GPRC6A: variants seen among roughly 807,000 people sequenced by gnomAD.
GPRC6A encodes the protein G protein-coupled receptor class C group 6 member A, also known as G protein-coupled receptor family C group 6 member A.
A neutral mutation model predicts 47.0 loss-of-function variants in GPRC6A; 54 were observed. The observed-to-expected ratio is 1.15, with a 90% confidence interval of 0.92 to 1.44. The LOEUF (loss-of-function observed/expected upper bound fraction) is 1.44. GPRC6A is among the 40% of genes most tolerant of loss of function. GPRC6A has a pLI of 0.00. For synonymous variants in GPRC6A, 347 were observed against 377.1 expected, an observed-to-expected ratio of 0.92 and a Z score of 0.93; for missense variants, 1,112 against 1,105.5, an observed-to-expected ratio of 1.01 and a Z score of -0.08.
Position 116,795,809 on chromosome 6 carries a change from T to G in GPRC6A, c.1575A>C (p.Glu525Asp), listed in dbSNP as rs1353565999. Residue 525 changes from glutamate (E) to aspartate (D), a missense_variant, in exon 5 of 6, where the codon GAA (glutamate) becomes GAC (aspartate). Glu to Asp is a conservative substitution (Grantham distance 45). Transcript: ENST00000310357. ...LKQIQSKCSK[E>D]CSPGQMKKTT... ...TTTTCTTCATTTGCCCAGGACTGCATTCCTTGGAGCATTTAGATTGAATTT... is the reference window on the plus strand; with the variant it reads ...TTTTCTTCATTTGCCCAGGACTGCAGTCCTTGGAGCATTTAGATTGAATTT... 1 of 1,604,670 alleles carries G rather than the reference T, an allele frequency of 6.2e-7. No homozygotes were observed. The highest frequency in any genetic ancestry group is 2.2e-5 in the East Asian group (1 of 44,720).
intron 1 of GPRC6A, among the ~76,000 whole-genome samples, chr6:116,824,041 C>A (rs1386071764): frequency 6.6e-6 from 1 of 151,876 alleles, no homozygotes; most frequent in East Asian, 1.9e-4. Flanking sequence ...GAGATTTGGG[C>A]AAAGACACAG....
intron 1 of GPRC6A, among the ~76,000 whole-genome samples, chr6:116,820,461 A>G (rs1773426281): frequency 6.6e-6 from 1 of 151,992 alleles, no homozygotes. Context: ...AATCCTCAAT[A>G]AAATACTGGC....
At chr6:116,818,384 A>G (rs1486588996) in intron 1 of GPRC6A, among the ~76,000 whole-genome samples, 3 of 148,246 alleles carry the variant, frequency 2.0e-5, no homozygotes, top group Non-Finnish European at 3.0e-5. Flanking sequence ...AATACAAAAA[A>G]TTAGCCGGGC....
At chr6:116,801,011 T>C (rs1582457917) in intron 3 of GPRC6A, among the ~76,000 whole-genome samples, 1 of 152,202 alleles carries the variant, frequency 6.6e-6, no homozygotes. Context: ...TTTTGCTATA[T>C]AAATTTGGGA....
At chr6:116,807,998 C>CTTT (rs565661865) in intron 2 of GPRC6A, among the ~76,000 whole-genome samples, 1 of 143,914 alleles carries the variant, frequency 6.9e-6, no homozygotes, top group East Asian at 2.0e-4. Context: ...TTCGTTCCTT[C>CTTT]TTTTTTTTTT....
chr6:116,800,333 T>G (rs1772629287), intron 4 of GPRC6A, among the ~76,000 whole-genome samples: 1 of 132,900 alleles, frequency 7.5e-6, no homozygotes, highest in Non-Finnish European at 1.6e-5. Flanking sequence ...TTTTCCTTCC[T>G]TCCTTCCTTC....
chr6:116,793,467 T>C (rs767648604), intron 5 of GPRC6A, among the ~76,000 whole-genome samples: 23 of 151,536 alleles, frequency 1.5e-4, no homozygotes, highest in Non-Finnish European at 3.2e-4. Context: ...AAAGAGAAAA[T>C]AGAGAAAGAA....
chr6:116,822,891 T>TAA (rs757893318), intron 1 of GPRC6A, among the ~76,000 whole-genome samples: 116 of 117,494 alleles, frequency 9.9e-4, no homozygotes, highest in Non-Finnish European at 1.2e-3. Flanking sequence ...TACTAGTCTC[T>TAA]AAAAAAAAAA....
chr6:116,809,218 A>C (rs763012954), intron 2 of GPRC6A, 96 bp downstream of exon 2: 175 of 914,630 alleles, frequency 1.9e-4, no homozygotes, highest in Non-Finnish European at 2.6e-4. Context: ...AGTTAAAGTA[A>C]AAGTGACTCC....
In GPRC6A at chr6:116,807,308, T is replaced by C. The variant is rs918264790; in HGVS notation, c.499-102A>G. The C allele has an allele frequency of 5.7e-6, 4 of 701,220 alleles. No homozygotes were observed. The Admixed American group carries it at 9.5e-5, about 17-fold the overall frequency. 43.4% of individuals were successfully genotyped at this position (701,220 alleles called of 1,614,324 possible). A position where few individuals can be genotyped will look rare whatever the true frequency, so the allele number is the denominator to read the frequency against. On this transcript the variant is annotated intron_variant, in intron 2 of 5. Transcript: ENST00000310357. ...TGATTGCTGTAAATTTTCATGACTT[T>C]CCTTAAATTCTCTAGTCTTTTTCAT...
At chr6:116,809,171 A>G in intron 2 of GPRC6A, 143 bp downstream of exon 2, 1 of 633,602 alleles carries the variant, frequency 1.6e-6, no homozygotes, top group South Asian at 2.0e-5. Flanking sequence ...ACTCTCTGTA[A>G]TGGTGTGCAT....
chr6:116,826,642 G>A (rs1008112570), intron 1 of GPRC6A, among the ~76,000 whole-genome samples: 2 of 151,884 alleles, frequency 1.3e-5, no homozygotes, highest in Non-Finnish European at 2.9e-5. Context: ...GAAAGAGTAT[G>A]GATATTTCTC....
chr6:116,821,153 G>T (rs1017236061), intron 1 of GPRC6A, among the ~76,000 whole-genome samples: 163 of 151,776 alleles, frequency 1.1e-3, no homozygotes, highest in African/African-American at 3.9e-3. Context: ...AACTTCCAAG[G>T]GATGTGAAGG....
chr6:116,809,647 AG>A (rs757727754), intron 1 of GPRC6A, 30 bp from the exon 2 acceptor site: 76 of 1,510,196 alleles, frequency 5.0e-5, no homozygotes, highest in Non-Finnish European at 6.5e-5. Context: ...TTTTGAAATC[AG>A]AACATAACTC....
At chr6:116,801,441 G>C (rs562143964) in intron 3 of GPRC6A, among the ~76,000 whole-genome samples, 2 of 152,196 alleles carry the variant, frequency 1.3e-5, no homozygotes, top group East Asian at 3.9e-4. Flanking sequence ...AGGGAAACAG[G>C]CTGCTGTTCT....
At chr6:116,826,729 C>T (rs973762673) in intron 1 of GPRC6A, among the ~76,000 whole-genome samples, 9 of 151,710 alleles carry the variant, frequency 5.9e-5, no homozygotes, top group African/African-American at 1.9e-4. Context: ...AATCAGTATA[C>T]TAAAGGGATA....
intron 1 of GPRC6A, among the ~76,000 whole-genome samples, chr6:116,816,924 T>A (rs1773235110): frequency 6.6e-6 from 1 of 152,124 alleles, no homozygotes; most frequent in Non-Finnish European, 1.5e-5. Context: ...CACAGCAGTC[T>A]GAGATCAAAC....
intron 1 of GPRC6A, among the ~76,000 whole-genome samples, chr6:116,811,904 C>T (rs937303735): frequency 1.3e-5 from 2 of 151,678 alleles, no homozygotes; most frequent in African/African-American, 4.8e-5. Context: ...ACCAAATATA[C>T]AAATTATTGA....
chr6:116,792,494 A>T lies in GPRC6A; in HGVS notation c.2429T>A (p.Val810Glu). 6.2e-7 allele frequency: 1 copy of T among 1,613,838 alleles called. No individual in the cohort carries two copies. The highest frequency in any genetic ancestry group is 8.5e-7 in the Non-Finnish European group (1 of 1,179,782). ...PIYATTFGKY[V>E]PAVEIIVILI... The stretch of plus-strand genomic sequence containing the variant: ...TATGACAATAATCTCCACAGCTGGT[A>T]CATATTTGCCAAATGTGGTAGCATA... The change falls in exon 6 of 6, where the codon GTA (valine) becomes GAA (glutamate). Residue 810 changes from valine to glutamate, a missense_variant. Val to Glu is a moderately radical substitution (Grantham distance 121). Coordinates refer to ENST00000310357, the MANE Select transcript of GPRC6A (RefSeq NM_148963.4).
Sources: gnomAD v4.1 joint callset for allele counts (sites outside exome capture counted in the v4.1 genomes callset) on GRCh38, gnomAD v4.1.1 for gene constraint, MANE v1.5 for transcripts, NCBI Gene and HGNC (gene_info 2026-07-23, HGNC 2026-07-21) for gene names.